PALM2AKAP2: variants seen among roughly 807,000 people sequenced by gnomAD.
The protein encoded by PALM2AKAP2 is PALM2-AKAP2 fusion protein.
In PALM2AKAP2, 37 loss-of-function variants were observed where a neutral mutation model predicts 71.5. That is an observed-to-expected ratio of 0.52 (90% CI 0.40 to 0.68). The LOEUF is 0.68. Ranked by LOEUF, PALM2AKAP2 falls within the 30% of genes least tolerant of loss-of-function variation. The pLI is 0.00. For missense variants in PALM2AKAP2, 1,224 were observed against 1,191.8 expected, an observed-to-expected ratio of 1.03 and a Z score of -0.40; for synonymous variants, 468 against 478.8, an observed-to-expected ratio of 0.98 and a Z score of 0.29.
intron 3 of PALM2AKAP2, among the ~76,000 whole-genome samples, chr9:109,910,685 G>A (rs1489056019): frequency 6.6e-6 from 1 of 152,166 alleles, no homozygotes; most frequent in Non-Finnish European, 1.5e-5. Flanking sequence ...GGGCATGAGG[G>A]CAGAGGGACT....
chr9:109,944,935 A>C (rs1373976511), intron 6 of PALM2AKAP2: 1 of 152,236 alleles, frequency 6.6e-6, no homozygotes, highest in African/African-American at 2.4e-5. Flanking sequence ...GTTATGAATT[A>C]TTCATAAAAT....
intron 6 of PALM2AKAP2, among the ~76,000 whole-genome samples, chr9:110,004,408 C>G (rs902757084): frequency 6.6e-6 from 1 of 152,218 alleles, no homozygotes; most frequent in Non-Finnish European, 1.5e-5. Flanking sequence ...AACTGTTAGT[C>G]TGCTGGGCTT....
chr9:109,781,495 TG>T (rs1826795653), intron 1 of PALM2AKAP2, among the ~76,000 whole-genome samples: 1 of 152,278 alleles, frequency 6.6e-6, no homozygotes, highest in South Asian at 2.1e-4. Context: ...GGAAGTTCTC[TG>T]GAAACACATA....
In PALM2AKAP2 at chr9:109,788,357, T is replaced by G. The variant is rs538353855; in HGVS notation, c.45+7824T>G. On this transcript the variant is annotated intron_variant, in intron 1 of 9. Coordinates refer to the PALM2AKAP2 transcript ENST00000302798. ...ACATTGTAGGGAGATTCTGCTGGGC[T>G]CAGGACTCATAGTAGCAGCAACTGC... Among the ~76,000 whole-genome samples the G allele has an allele frequency of 8.5e-5, 13 of 152,348 alleles. 1 individual carries two copies. In the South Asian group the frequency reaches 2.5e-3, roughly 29 times the overall value.
chr9:109,951,951 T>C (rs1392267051), intron 6 of PALM2AKAP2, among the ~76,000 whole-genome samples: 1 of 152,228 alleles, frequency 6.6e-6, no homozygotes, highest in Non-Finnish European at 1.5e-5. Context: ...GGGCTGCCCC[T>C]TAGGCTAAGT....
upstream of PALM2AKAP2, among the ~76,000 whole-genome samples, chr9:109,779,220 T>A (rs1215766160): frequency 6.6e-6 from 1 of 152,252 alleles, no homozygotes; most frequent in African/African-American, 2.4e-5. Context: ...AAGAGGCATT[T>A]TTTTTTGCTT....
intron 6 of PALM2AKAP2, among the ~76,000 whole-genome samples, chr9:109,978,555 C>A (rs1832210581): frequency 6.6e-6 from 1 of 152,232 alleles, no homozygotes; most frequent in Non-Finnish European, 1.5e-5. Flanking sequence ...CTGTCCCCAT[C>A]CTCCTTATGT....
At chr9:109,905,930 G>C (rs1707388953) in intron 3 of PALM2AKAP2, among the ~76,000 whole-genome samples, 1 of 152,150 alleles carries the variant, frequency 6.6e-6, no homozygotes, top group Non-Finnish European at 1.5e-5. Context: ...TTCAAGACCA[G>C]CCTGGGAAAC....
At chr9:109,943,364 C>G in intron 6 of PALM2AKAP2, 1 of 1,614,176 alleles carries the variant, frequency 6.2e-7, no homozygotes, top group African/African-American at 1.3e-5. Context: ...GAGAGCCTAG[C>G]TACAGAGCCA....
intron 1 of PALM2AKAP2, among the ~76,000 whole-genome samples, chr9:110,096,926 CTTTT>C (rs1834855320): frequency 7.4e-6 from 1 of 136,022 alleles, no homozygotes; most frequent in African/African-American, 2.8e-5. Flanking sequence ...ACAGAATTTT[CTTTT>C]TATTTATTTA....
At chr9:109,693,085 C>T (rs918343650) in intron 1 of PALM2AKAP2, among the ~76,000 whole-genome samples, 2 of 151,882 alleles carry the variant, frequency 1.3e-5, no homozygotes, top group Non-Finnish European at 2.9e-5. Flanking sequence ...TAGAAATTAC[C>T]TAGAGAAACA....
chr9:109,833,172 T>A (rs1356129322), intron 1 of PALM2AKAP2, among the ~76,000 whole-genome samples: 3 of 152,098 alleles, frequency 2.0e-5, no homozygotes, highest in Non-Finnish European at 2.9e-5. Context: ...CTGACCAACA[T>A]GGTGAAACCC....
intron 6 of PALM2AKAP2, among the ~76,000 whole-genome samples, chr9:109,975,175 T>G (rs1832149844): frequency 6.6e-6 from 1 of 152,176 alleles, no homozygotes; most frequent in South Asian, 2.1e-4. Context: ...GCTCACTCAA[T>G]TATGGCGGTT....
chr9:109,659,677 G>A (rs970335831), intron 1 of PALM2AKAP2, among the ~76,000 whole-genome samples: 3 of 152,012 alleles, frequency 2.0e-5, no homozygotes, highest in Non-Finnish European at 4.4e-5. Context: ...ATGTGAGTCA[G>A]CTCTAAGTAA....
intron 1 of PALM2AKAP2, among the ~76,000 whole-genome samples, chr9:109,835,836 G>A (rs1412410406): frequency 6.6e-6 from 1 of 152,246 alleles, no homozygotes; most frequent in African/African-American, 2.4e-5. Flanking sequence ...TTGGTGAGGG[G>A]TGCCTGCCAT....
In PALM2AKAP2 at chr9:109,987,710, G is replaced by A. The variant is rs114161163; in HGVS notation, c.497-28244G>A. ...TGGAGTTGTTTAATTTTACAACACA[G>A]TGACATCCTCAAGGGCCCAGTTTGC... On this transcript the variant is annotated intron_variant, in intron 6 of 9. Coordinates refer to the PALM2AKAP2 transcript ENST00000302798. 9.3e-3 allele frequency among the ~76,000 whole-genome samples: 1,410 copies of A among 152,278 alleles called. 24 individuals carry two copies. Among genetic ancestry groups the A allele is most frequent in the African/African-American group, 0.032 (1,326 of 41,550 alleles).
intron 6 of PALM2AKAP2, among the ~76,000 whole-genome samples, chr9:110,001,765 T>C (rs1832685129): frequency 6.6e-6 from 1 of 152,230 alleles, no homozygotes; most frequent in East Asian, 1.9e-4. Flanking sequence ...CATTTTATTC[T>C]CTTCGAAGCA....
chr9:109,850,385 A>G (rs1328579467), intron 1 of PALM2AKAP2, among the ~76,000 whole-genome samples: 1 of 152,134 alleles, frequency 6.6e-6, no homozygotes, highest in Non-Finnish European at 1.5e-5. Context: ...TCAAAGCCAG[A>G]TTTGGTTTGA....
intron 1 of PALM2AKAP2, among the ~76,000 whole-genome samples, chr9:110,118,554 A>G (rs1188896693): frequency 6.6e-6 from 1 of 151,890 alleles, no homozygotes; most frequent in Non-Finnish European, 1.5e-5. Flanking sequence ...AGCCTTCTTG[A>G]CTTGTAGAGA....
Sources: gnomAD v4.1 joint callset for allele counts (sites outside exome capture counted in the v4.1 genomes callset) on GRCh38, gnomAD v4.1.1 for gene constraint, MANE v1.5 for transcripts, NCBI Gene and HGNC (gene_info 2026-07-23, HGNC 2026-07-21) for gene names.